Variants in USH2A observed in about 807,000 individuals in gnomAD.
USH2A encodes usherin.
USH2A carries 443 observed loss-of-function variants against 538.9 expected under a neutral mutation model. That is an observed-to-expected ratio of 0.82 (90% CI 0.76 to 0.89). USH2A has a LOEUF of 0.89. Ranked by LOEUF, USH2A falls within the 40% of genes least tolerant of loss-of-function variation. USH2A has a pLI of 0.00. For missense variants in USH2A, 6,633 were observed against 6,324.8 expected, an observed-to-expected ratio of 1.05 and a Z score of -1.65; for synonymous variants, 2,413 against 2,273.5, an observed-to-expected ratio of 1.06 and a Z score of -1.75.
chr1:216,088,609 C>G (rs970131357), intron 23 of USH2A, among the ~76,000 whole-genome samples: 1 of 152,164 alleles, frequency 6.6e-6, no homozygotes, highest in South Asian at 2.1e-4. Context: ...AGAATGCTTC[C>G]TCTCAACTGT....
chr1:215,695,099 G>A (rs1169980772), intron 61 of USH2A, among the ~76,000 whole-genome samples: 2 of 152,148 alleles, frequency 1.3e-5, no homozygotes, highest in Non-Finnish European at 2.9e-5. Flanking sequence ...TAGTTTCCCT[G>A]CCCCTAAATA....
intron 30 of USH2A, among the ~76,000 whole-genome samples, chr1:216,057,701 A>C (rs538091611): frequency 6.6e-6 from 1 of 152,070 alleles, no homozygotes; most frequent in Admixed American, 6.5e-5. Flanking sequence ...TAAAAAAAAA[A>C]GTTCGTAATA....
chr1:215,640,144 T>C (rs1431154761), intron 68 of USH2A, among the ~76,000 whole-genome samples: 1 of 152,008 alleles, frequency 6.6e-6, no homozygotes, highest in Non-Finnish European at 1.5e-5. Flanking sequence ...TCCTCATGAG[T>C]TGGAGATAGT....
chr1:215,783,080 TC>T, intron 52 of USH2A, 145 bp from the exon 53 acceptor site: 1 of 677,862 alleles, frequency 1.5e-6, no homozygotes, highest in Non-Finnish European at 2.4e-6. Context: ...AACTCTAATA[TC>T]TTTATTTTCT....
intron 14 of USH2A, among the ~76,000 whole-genome samples, chr1:216,217,937 T>G (rs2035376067): frequency 6.6e-6 from 1 of 152,106 alleles, no homozygotes; most frequent in South Asian, 2.1e-4. Flanking sequence ...TTAGATTAGG[T>G]ACCCATAAAA....
In USH2A at chr1:216,196,715, T is replaced by G. The variant is rs764459246; in HGVS notation, c.4089A>C (p.Val1363=). ...VSERTGESAP[V]FMIPPSVFPL... is the part of the protein sequence containing the mutation. Reference sequence around the variant, plus strand: ...GAAAGACTGAAGGAGGGATCATGAATACAGGTGCTATCAATGAGAACAATA... The same window carrying G: ...GAAAGACTGAAGGAGGGATCATGAAGACAGGTGCTATCAATGAGAACAATA... The change falls in exon 19 of 72, where the codon GTA becomes GTC. Residue 1363 remains valine (V), a synonymous_variant. Transcript: ENST00000307340. 3.1e-6 allele frequency: 5 copies of G among 1,612,978 alleles called. No individual in the cohort carries two copies. Among genetic ancestry groups the G allele is most frequent in the Non-Finnish European group, 4.2e-6 (5 of 1,179,392 alleles).
At chr1:215,908,458 G>A (rs961408749) in intron 38 of USH2A, among the ~76,000 whole-genome samples, 2 of 151,718 alleles carry the variant, frequency 1.3e-5, no homozygotes, top group African/African-American at 2.4e-5. Context: ...AGTACTATCT[G>A]TATTTTCCTA....
rs968357019 is a variant in USH2A at position 216,136,601 on chromosome 1, A to G, written c.4627+38651T>C. On this transcript the variant is annotated intron_variant, in intron 21 of 71. Coordinates refer to ENST00000307340, the MANE Select transcript of USH2A (RefSeq NM_206933.4). ...CCCCAAAATTCATATGCTGTAGTCCAACCCACTCATACCTCAGAATATGAC... is the reference window on the plus strand; with the variant it reads ...CCCCAAAATTCATATGCTGTAGTCCGACCCACTCATACCTCAGAATATGAC... Among the ~76,000 whole-genome samples, 15 of 152,200 alleles carry G rather than the reference A, an allele frequency of 9.9e-5. 1 individual carries two copies. The highest frequency in any genetic ancestry group is 6.2e-4 in the South Asian group (3 of 4,834).
rs1409825126 is a variant in USH2A at position 215,675,101 on chromosome 1, C to T, written c.12810G>A (p.Val4270=). 3 of 1,613,976 alleles carry T rather than the reference C, an allele frequency of 1.9e-6. No homozygotes were observed. The highest frequency in any genetic ancestry group is 2.5e-6 in the Non-Finnish European group (3 of 1,180,016). ...GGGGATTCATAGAAACATAGGATAT[C>T]ACAGGTGGAGAGAGACCTTCTGGAG... ...QAPPEGLSPP[V]ISYVSMNPQK... is the part of the protein sequence containing the mutation. Residue 4270 remains valine, a synonymous_variant, in exon 63 of 72, where the codon GTG becomes GTA. Transcript: ENST00000307340.
intron 35 of USH2A, 114 bp downstream of exon 35, chr1:215,992,906 T>G: frequency 6.6e-7 from 1 of 1,514,220 alleles, no homozygotes; most frequent in Non-Finnish European, 9.1e-7. Context: ...CTTAGGTATT[T>G]TATGTGCTAA....
At chr1:215,626,532 A>G (rs1381413511) in intron 71 of USH2A, among the ~76,000 whole-genome samples, 1 of 152,112 alleles carries the variant, frequency 6.6e-6, no homozygotes, top group Non-Finnish European at 1.5e-5. Flanking sequence ...TATTTATCAA[A>G]TAGGGTTAGT....
At chr1:216,269,523 G>A (rs2036536485) in intron 11 of USH2A, among the ~76,000 whole-genome samples, 1 of 152,046 alleles carries the variant, frequency 6.6e-6, no homozygotes, top group Non-Finnish European at 1.5e-5. Flanking sequence ...TCAAATGCAT[G>A]ATCATAACCC....
chr1:215,876,404 C>T (rs897191838), intron 43 of USH2A, among the ~76,000 whole-genome samples: 1 of 152,144 alleles, frequency 6.6e-6, no homozygotes, highest in Non-Finnish European at 1.5e-5. Flanking sequence ...CTTAGTTTTG[C>T]CATTCCCCAG....
chr1:215,632,398 A>AGTAAC (rs1656311728), intron 70 of USH2A, among the ~76,000 whole-genome samples: 1 of 152,202 alleles, frequency 6.6e-6, no homozygotes, highest in South Asian at 2.1e-4. Context: ...TTATATCCAG[A>AGTAAC]GTAACATAAC....
chr1:215,656,057 A>G (rs909243439), intron 64 of USH2A, among the ~76,000 whole-genome samples: 4 of 152,190 alleles, frequency 2.6e-5, no homozygotes, highest in Admixed American at 2.6e-4. Flanking sequence ...TTTTAGCACA[A>G]TTTCCACACT....
chr1:215,887,004 C>T (rs901100437), intron 41 of USH2A, among the ~76,000 whole-genome samples: 6 of 152,032 alleles, frequency 3.9e-5, no homozygotes, highest in African/African-American at 1.4e-4. Context: ...ACTATAGGTG[C>T]CCGCCACCAA....
chr1:216,313,211 G>A (rs1045637549), intron 9 of USH2A, among the ~76,000 whole-genome samples: 9 of 152,164 alleles, frequency 5.9e-5, no homozygotes, highest in African/African-American at 2.2e-4. Context: ...GATCTGACAG[G>A]AGGCAGAGCT....
chr1:216,145,316 A>G (rs2033674791), intron 21 of USH2A, among the ~76,000 whole-genome samples: 1 of 152,200 alleles, frequency 6.6e-6, no homozygotes, highest in African/African-American at 2.4e-5. Context: ...GCCAAGGTAC[A>G]AAGGAGGTAG....
intron 21 of USH2A, among the ~76,000 whole-genome samples, chr1:216,138,273 A>G (rs907730413): frequency 3.9e-5 from 6 of 152,234 alleles, no homozygotes; most frequent in Non-Finnish European, 7.3e-5. Flanking sequence ...AAGCCAATCA[A>G]CACTTAGTAT....
Sources: gnomAD v4.1 joint callset for allele counts (sites outside exome capture counted in the v4.1 genomes callset) on GRCh38, gnomAD v4.1.1 for gene constraint, MANE v1.5 for transcripts, NCBI Gene and HGNC (gene_info 2026-07-23, HGNC 2026-07-21) for gene names.